TPPP2: variants seen among roughly 807,000 people sequenced by gnomAD.
TPPP2 encodes the protein tubulin polymerization promoting protein family member 2.
A neutral mutation model predicts 13.0 loss-of-function variants in TPPP2; 8 were observed. The observed-to-expected ratio is 0.62, with a 90% confidence interval of 0.36 to 1.11. The LOEUF is 1.11. TPPP2 is among the 50% of genes most tolerant of loss of function. The probability of loss-of-function intolerance (pLI) is 0.02; values close to 1 mark genes in which losing one functional copy is unlikely to be tolerated. For synonymous variants in TPPP2, 81 were observed against 81.8 expected (o/e 0.99, Z 0.05); for missense variants, 213 against 216.9 (o/e 0.98, Z 0.11).
At chr14:21,025,612 AG>A, upstream of TPPP2, 1 of 985,444 alleles carries the variant, frequency 1.0e-6, no homozygotes, top group Non-Finnish European at 1.2e-6. The surrounding 1 kb of genome is among the most constrained non-coding windows in gnomAD (Gnocchi z 5.1). Context: ...TGGCGCCGAA[AG>A]GGGGCACGGG....
chr14:21,033,012 C>T (rs1346990175), downstream of TPPP2: 1 of 454,926 alleles, frequency 2.2e-6, no homozygotes, highest in Non-Finnish European at 4.4e-6. Context: ...CAGGGGCAGA[C>T]TCTGGAGTCT....
chr14:21,024,802 T>C, intron 1 of TPPP2: 2 of 985,710 alleles, frequency 2.0e-6, no homozygotes, highest in Non-Finnish European at 2.4e-6. Flanking sequence ...CACCCTTGCG[T>C]GGCCGGTGCC....
At chr14:21,027,342 CTG>C (rs1229689963), upstream of TPPP2, among the ~76,000 whole-genome samples, 3 of 152,202 alleles carry the variant, frequency 2.0e-5, no homozygotes, top group Admixed American at 2.0e-4. Context: ...TTTTAAGTAT[CTG>C]TTATGTGCAA....
chr14:21,034,350 C>T (rs1016660844), downstream of TPPP2: 3 of 1,241,582 alleles, frequency 2.4e-6, no homozygotes, highest in Admixed American at 2.0e-5. Flanking sequence ...GGCTGTCTGC[C>T]ACATCCCAGA....
At chr14:21,027,752 G>A (rs761676437), upstream of TPPP2, among the ~76,000 whole-genome samples, 3 of 152,142 alleles carry the variant, frequency 2.0e-5, no homozygotes, top group African/African-American at 7.2e-5. Context: ...AAATCCTCAC[G>A]CCAGGAGGCT....
Position 21,031,055 on chromosome 14 carries a change from G to T in TPPP2, c.217G>T (p.Ala73Ser). 6.2e-7 allele frequency: 1 copy of T among 1,614,082 alleles called. No homozygotes were observed. Among genetic ancestry groups the T allele is most frequent in the Non-Finnish European group, 8.5e-7 (1 of 1,179,986 alleles). The change falls in exon 3 of 4, where the codon GCA becomes TCA. Residue 73 changes from alanine (A) to serine (S), a missense_variant. By Grantham distance (99) the Ala-to-Ser change is moderately conservative. Coordinates refer to ENST00000321760, the MANE Select transcript of TPPP2 (RefSeq NM_173846.5). ...CATCACGTTTCAACAGTTCAAAGAG[G>T]CAGTGAAGGAACTGGGCCAGAAGCG... ...RTITFQQFKE[A>S]VKELGQKRFK... is the part of the protein sequence containing the mutation.
downstream of TPPP2, chr14:21,033,662 G>A: frequency 1.6e-6 from 1 of 643,292 alleles, no homozygotes; most frequent in Non-Finnish European, 2.8e-6. Context: ...TTTGCATGGT[G>A]ATCAAAGCCC....
At chr14:21,031,352 A>C in intron 3 of TPPP2, 187 bp downstream of exon 3, 1 of 660,266 alleles carries the variant, frequency 1.5e-6, no homozygotes, top group Admixed American at 3.5e-5. Context: ...CCCAAGGTCC[A>C]TGGCTATTTT....
At chr14:21,025,684 C>G (rs894604683), upstream of TPPP2, 7 of 984,778 alleles carry the variant, frequency 7.1e-6, no homozygotes, top group Non-Finnish European at 8.4e-6. The surrounding 1 kb of genome is among the most constrained non-coding windows in gnomAD (Gnocchi z 5.1). Flanking sequence ...TACCTCTCCT[C>G]TCTTTGCTGC....
downstream of TPPP2, chr14:21,033,069 C>A (rs1312655804): frequency 4.5e-6 from 2 of 447,532 alleles, no homozygotes; most frequent in Non-Finnish European, 8.9e-6. Flanking sequence ...GCAGGAACCT[C>A]TGGGGAATGG....
At chr14:21,035,796 T>G (rs1884583663), downstream of TPPP2, 1 of 456,242 alleles carries the variant, frequency 2.2e-6, no homozygotes, top group East Asian at 6.9e-5. Flanking sequence ...CAACTCAGTT[T>G]CCCTGGTTAC....
At chr14:21,036,197 C>T (rs1038992147), downstream of TPPP2, 20 of 456,256 alleles carry the variant, frequency 4.4e-5, no homozygotes, top group Middle Eastern at 3.2e-4. Context: ...TCAGTGGATG[C>T]TCTCGTCTCG....
chr14:21,030,454 G>A (rs1417070330), intron 1 of TPPP2, 59 bp from the exon 2 acceptor site: 1 of 932,404 alleles, frequency 1.1e-6, no homozygotes, highest in Non-Finnish European at 1.6e-6. Context: ...CAGGGAAGAG[G>A]GGAGCTGTTC....
In TPPP2 at chr14:21,031,845, A is replaced by G. The variant is rs1465200912; in HGVS notation, c.328-47A>G. 1.9e-6 allele frequency: 3 copies of G among 1,587,418 alleles called. No individual in the cohort carries two copies. In the East Asian group the frequency reaches 6.8e-5, roughly 36 times the overall value. ...GGGCCATCTTTGGGGAAGGGATATG[A>G]CAGCGTAAGGAAAGGAAGAGAGCTC... On this transcript the variant is annotated intron_variant, in intron 3 of 3. Transcript: ENST00000321760.
chr14:21,030,413 T>A, intron 1 of TPPP2, 100 bp from the exon 2 acceptor site: 1 of 668,344 alleles, frequency 1.5e-6, no homozygotes, highest in East Asian at 2.8e-5. Context: ...GTAGGTGCAA[T>A]GGGAGCTGGG....
At chr14:21,024,773 C>G in intron 1 of TPPP2, 1 of 985,604 alleles carries the variant, frequency 1.0e-6, no homozygotes, top group Non-Finnish European at 1.2e-6. Context: ...CCTACGCAGC[C>G]CGTCCGCGTG....
downstream of TPPP2, among the ~76,000 whole-genome samples, chr14:21,035,231 C>T (rs1884543011): frequency 6.6e-6 from 1 of 152,200 alleles, no homozygotes; most frequent in African/African-American, 2.4e-5. Context: ...GACCTCAGGC[C>T]CTGTCAGAGT....
chr14:21,028,418 ATTT>A (rs1215824016), upstream of TPPP2: 1 of 151,898 alleles, frequency 6.6e-6, no homozygotes, highest in Non-Finnish European at 1.5e-5. Context: ...CTCCCAACTA[ATTT>A]TTTTATTATT....
At position 21,031,090 on chromosome 14, in the gene TPPP2, G is replaced by A; in HGVS notation, c.252G>A (p.Gly84=). The A allele has an allele frequency of 2.5e-6, 4 of 1,614,182 alleles. No homozygotes were observed. Among genetic ancestry groups the A allele is most frequent in the Non-Finnish European group, 3.4e-6 (4 of 1,180,022 alleles). The change falls in exon 3 of 4, where the codon GGG becomes GGA. Residue 84 remains glycine (G), a synonymous_variant. Coordinates refer to ENST00000321760, the MANE Select transcript of TPPP2 (RefSeq NM_173846.5). The part of the protein sequence containing the change: ...VKELGQKRFK[G]KSPDEVLENI... ...AACTGGGCCAGAAGCGCTTCAAAGG[G>A]AAGAGTCCAGATGAAGTCCTGGAGA...
Sources: gnomAD v4.1 joint callset for allele counts (sites outside exome capture counted in the v4.1 genomes callset) on GRCh38, gnomAD v4.1.1 for gene constraint, Gnocchi (gnomAD v3.1) non-coding constraint, MANE v1.5 for transcripts, NCBI Gene and HGNC (gene_info 2026-07-23, HGNC 2026-07-21) for gene names.